The following ADCY9 variants were observed in gnomAD, a reference collection of about 807,000 sequenced individuals.
ADCY9 encodes adenylate cyclase 9.
A neutral mutation model predicts 101.5 loss-of-function variants in ADCY9; 50 were observed. That is an observed-to-expected ratio of 0.49 (90% CI 0.39 to 0.62). The LOEUF (loss-of-function observed/expected upper bound fraction) is 0.62. ADCY9 is among the 20% of genes least tolerant of loss of function. The pLI, the probability that ADCY9 is intolerant of heterozygous loss-of-function variation, is 0.00. For missense variants in ADCY9, 1,662 were observed against 1,800.4 expected (o/e 0.92, Z 1.39); for synonymous variants, 905 against 769.3 (o/e 1.18, Z -2.92).
chr16:3,965,902 C>A lies in ADCY9; in HGVS notation c.3935G>T (p.Trp1312Leu). ...TTCTTCGGCTTTGACGGGCTCCTTC[C>A]ACGGTCTCTTGGGGGACAGGTGGGC... ...KDAHLSPKRPWKEPVKAEERG... is the reference protein window; with the variant it reads ...KDAHLSPKRPLKEPVKAEERG... The change falls in exon 11 of 11, where the codon TGG becomes TTG. Residue 1312 changes from tryptophan (W) to leucine (L), a missense_variant. Physicochemically the swap from Trp to Leu is moderately conservative, Grantham distance 61 (BLOSUM62 -2). Around this residue, in one of 5 missense-constraint regions of ADCY9, gnomAD observed 168 missense variants for 155.3 expected, o/e 1.08. Coordinates refer to ENST00000294016, the MANE Select transcript of ADCY9 (RefSeq NM_001116.4). The A allele has an allele frequency of 6.2e-7, 1 of 1,614,086 alleles. No homozygotes were observed. The highest frequency in any genetic ancestry group is 2.2e-5 in the East Asian group (1 of 44,890).
intron 2 of ADCY9, among the ~76,000 whole-genome samples, chr16:4,041,465 C>T (rs912999141): frequency 6.1e-5 from 8 of 131,188 alleles, no homozygotes; most frequent in Admixed American, 1.8e-4. Context: ...GATCACTGGG[C>T]GATCGAGCAA....
At chr16:4,025,616 G>A (rs969028615) in intron 2 of ADCY9, among the ~76,000 whole-genome samples, 7 of 152,204 alleles carry the variant, frequency 4.6e-5, no homozygotes, top group East Asian at 3.9e-4. Context: ...GAGGCCTGCC[G>A]AGGAAATGGC....
Position 3,989,381 on chromosome 16 carries a change from G to T in ADCY9, c.2208-285C>A, listed in dbSNP as rs556512186. ...ATCATCAGAACCTTGGTTTTTTGGG[G>T]TTTTTTTTTTTTGAGGCAAGGTCTC... On this transcript the variant is annotated intron_variant, in intron 5 of 10. Coordinates refer to ENST00000294016, the MANE Select transcript of ADCY9 (RefSeq NM_001116.4). Among the ~76,000 whole-genome samples, 62 of 147,862 alleles carry T rather than the reference G, an allele frequency of 4.2e-4. No homozygotes were observed. In the South Asian group the frequency reaches 6.4e-3, roughly 15 times the overall value.
intron 2 of ADCY9, among the ~76,000 whole-genome samples, chr16:4,082,468 TC>T (rs1385184454): frequency 6.6e-6 from 1 of 152,146 alleles, no homozygotes; most frequent in East Asian, 1.9e-4. Context: ...TTTCTTCATG[TC>T]CTCCCCGTTC....
chr16:3,985,928 C>T (rs2056188715), intron 6 of ADCY9, among the ~76,000 whole-genome samples: 1 of 151,852 alleles, frequency 6.6e-6, no homozygotes, highest in South Asian at 2.1e-4. Context: ...CCCAGTCCCA[C>T]TGAGAACGAC....
At chr16:4,075,329 G>A (rs1367843850) in intron 2 of ADCY9, among the ~76,000 whole-genome samples, 1 of 152,190 alleles carries the variant, frequency 6.6e-6, no homozygotes, top group East Asian at 1.9e-4. Flanking sequence ...AGTAGAGATG[G>A]GGTTTTGCCA....
In ADCY9 at chr16:3,973,491, G is replaced by A. The variant is rs1348958975; in HGVS notation, c.2870+1178C>T. ...CAAAGTGCTGGAATTACAGGCATGA[G>A]CCAACGTGCCTGGCCTTTTTTTTCT... is the stretch of plus-strand genomic sequence containing the variant. On this transcript the variant is annotated intron_variant, in intron 10 of 10. Transcript: ENST00000294016. Among the ~76,000 whole-genome samples, 8 of 152,200 alleles carry A rather than the reference G, an allele frequency of 5.3e-5. 1 individual carries two copies. The South Asian group carries it at 1.7e-3, about 32-fold the overall frequency.
At chr16:4,003,393 T>C (rs1452706198) in intron 3 of ADCY9, among the ~76,000 whole-genome samples, 6 of 151,858 alleles carry the variant, frequency 4.0e-5, no homozygotes, top group Admixed American at 3.9e-4. Context: ...CTGCGTGGAG[T>C]GAAGGCGTGC....
intron 2 of ADCY9, among the ~76,000 whole-genome samples, chr16:4,014,934 T>C (rs931881451): frequency 8.4e-6 from 1 of 118,544 alleles, no homozygotes; most frequent in African/African-American, 3.1e-5. Context: ...TTCCCCTGTT[T>C]TGGCCTTTTT....
At chr16:4,072,660 T>A (rs1178093779) in intron 2 of ADCY9, among the ~76,000 whole-genome samples, 1 of 151,914 alleles carries the variant, frequency 6.6e-6, no homozygotes, top group Non-Finnish European at 1.5e-5. Context: ...TAGAAGGAAA[T>A]ATTTGAAGAG....
At chr16:4,044,914 A>ACGGGCTC (rs1377824073) in intron 2 of ADCY9, among the ~76,000 whole-genome samples, 4 of 152,312 alleles carry the variant, frequency 2.6e-5, no homozygotes, top group East Asian at 1.9e-4. Flanking sequence ...CCTCACAGCA[A>ACGGGCTC]CGGGCTCCCG....
intron 2 of ADCY9, among the ~76,000 whole-genome samples, chr16:4,036,087 T>G (rs1240211781): frequency 8.1e-6 from 1 of 123,612 alleles, no homozygotes; most frequent in Admixed American, 9.8e-5. Context: ...TTAGATCCCA[T>G]GATGCCAGAG....
At chr16:4,068,501 C>T (rs559712260) in intron 2 of ADCY9, among the ~76,000 whole-genome samples, 1 of 152,010 alleles carries the variant, frequency 6.6e-6, no homozygotes. Context: ...ACATATGGTA[C>T]AGTTGCTTGC....
At chr16:4,006,511 A>G (rs927932486) in intron 3 of ADCY9, among the ~76,000 whole-genome samples, 4 of 152,174 alleles carry the variant, frequency 2.6e-5, no homozygotes, top group African/African-American at 9.7e-5. Flanking sequence ...CAAACCTGTG[A>G]ATGAATGTGG....
At chr16:3,972,138 T>C (rs1303025063) in intron 10 of ADCY9, among the ~76,000 whole-genome samples, 2 of 152,192 alleles carry the variant, frequency 1.3e-5, no homozygotes, top group Non-Finnish European at 2.9e-5. Flanking sequence ...GAATGTGTGT[T>C]TCCTATTTTA....
At chr16:4,093,387 A>G (rs1363460356) in intron 2 of ADCY9, among the ~76,000 whole-genome samples, 2 of 152,224 alleles carry the variant, frequency 1.3e-5, no homozygotes, top group African/African-American at 4.8e-5. Flanking sequence ...CTACTGTTTA[A>G]AAACAAACAA....
chr16:3,992,225 A>G lies in ADCY9; in HGVS notation c.2128T>C (p.Ser710Pro). The G allele has an allele frequency of 6.2e-7, 1 of 1,614,144 alleles. No homozygotes were observed. The highest frequency in any genetic ancestry group is 8.5e-7 in the Non-Finnish European group (1 of 1,180,002). The change falls in exon 5 of 11, where the codon TCG becomes CCG. Residue 710 changes from serine (S) to proline (P), a missense_variant. Coordinates refer to ENST00000294016, the MANE Select transcript of ADCY9 (RefSeq NM_001116.4). The surrounding 1 kb of genome is among the most constrained non-coding windows in gnomAD (Gnocchi z 4.2). The stretch of plus-strand genomic sequence containing the variant: ...TTGAACCTCAGCGGAAGGAGAGCCG[A>G]CTGGTCCAGGCTCACCCCTGCCCAC... Reference protein sequence around the residue: ...GRWAGVSLDQSALLPLRFKNI... With the variant: ...GRWAGVSLDQPALLPLRFKNI...
intron 2 of ADCY9, among the ~76,000 whole-genome samples, chr16:4,022,633 A>G (rs973666854): frequency 6.6e-6 from 1 of 151,410 alleles, no homozygotes; most frequent in African/African-American, 2.4e-5. Flanking sequence ...AATTTTTTTT[A>G]AAAGGAGAAA....
chr16:4,043,286 G>A (rs34929116), intron 2 of ADCY9, among the ~76,000 whole-genome samples: 48,436 of 151,966 alleles, frequency 0.32, 8,534 homozygotes, highest in East Asian at 0.43. Context: ...TTTAAAAATC[G>A]TATAATGTGT....
Sources: gnomAD v4.1 joint callset for allele counts (sites outside exome capture counted in the v4.1 genomes callset) on GRCh38, gnomAD v4.1.1 for gene constraint, gnomAD v4.1.1 regional missense constraint, Gnocchi (gnomAD v3.1) non-coding constraint, MANE v1.5 for transcripts, NCBI Gene and HGNC (gene_info 2026-07-23, HGNC 2026-07-21) for gene names.